LRRIQ1: variants seen among roughly 807,000 people sequenced by gnomAD.
The protein encoded by LRRIQ1 is leucine rich repeats and IQ motif containing 1, also known as leucine-rich repeat- and IQ domain-containing protein 1.
A neutral mutation model predicts 211.9 loss-of-function variants in LRRIQ1; 210 were observed. The observed-to-expected ratio is 0.99, with a 90% CI of 0.89 to 1.11. LRRIQ1 has a LOEUF of 1.11. Among genes scored for constraint, LRRIQ1 ranks in the 50% most tolerant of loss-of-function variants. The pLI is 0.00. For missense variants in LRRIQ1, 2,136 were observed against 1,939.5 expected, an observed-to-expected ratio of 1.10 and a Z score of -1.90; for synonymous variants, 699 against 650.1, an observed-to-expected ratio of 1.08 and a Z score of -1.14.
At chr12:85,236,830 C>CATATATATATATATCTATATCTAT (rs1555228690) in intron 26 of LRRIQ1, among the ~76,000 whole-genome samples, 1 of 108,810 alleles carries the variant, frequency 9.2e-6, no homozygotes, top group East Asian at 2.5e-4. Context: ...TGTATGTGTG[C>CATATATATATATATCTATATCTAT]ATATATATAT....
chr12:85,238,222 GAGAGAAAAA>G (rs1426158928), intron 26 of LRRIQ1, among the ~76,000 whole-genome samples: 4 of 151,866 alleles, frequency 2.6e-5, no homozygotes, highest in African/African-American at 9.7e-5. Context: ...GTGGGGCAGA[GAGAGAAAAA>G]ATAACTTAAA....
chr12:85,234,231 T>G lies in LRRIQ1; in HGVS notation c.5016+1475T>G, dbSNP rs1394490989. On this transcript the variant is annotated intron_variant, in intron 26 of 26. Transcript: ENST00000393217. ...CAGATTGGATGTCAGAGTGAGACTC[T>G]CTTTCAAAAAACAAAAAAGTTATAA... Among the ~76,000 whole-genome samples, 4 of 152,200 alleles carry G rather than the reference T, an allele frequency of 2.6e-5. No individual in the cohort carries two copies. The South Asian group carries it at 8.3e-4, about 32-fold the overall frequency.
At chr12:85,191,606 T>C (rs1892514817) in intron 24 of LRRIQ1, among the ~76,000 whole-genome samples, 1 of 152,048 alleles carries the variant, frequency 6.6e-6, no homozygotes, top group Non-Finnish European at 1.5e-5. Flanking sequence ...TTTTAACAGT[T>C]ATGAATAAAG....
At chr12:85,097,005 A>C (rs1384532030) in intron 11 of LRRIQ1, among the ~76,000 whole-genome samples, 1 of 152,168 alleles carries the variant, frequency 6.6e-6, no homozygotes, top group East Asian at 1.9e-4. Context: ...TTTCTCTTGC[A>C]TGATAGACGT....
intron 15 of LRRIQ1, among the ~76,000 whole-genome samples, chr12:85,107,232 T>G (rs1886848077): frequency 6.6e-6 from 1 of 152,174 alleles, no homozygotes; most frequent in South Asian, 2.1e-4. Flanking sequence ...ATTAGCTATT[T>G]TGTGATAACT....
chr12:85,120,334 A>G (rs1393773194), intron 15 of LRRIQ1, among the ~76,000 whole-genome samples: 4 of 152,180 alleles, frequency 2.6e-5, no homozygotes, highest in African/African-American at 9.7e-5. Context: ...GCCAAAGATC[A>G]GTTCGCTATA....
At position 85,229,735 on chromosome 12, in the gene LRRIQ1, A is replaced by G. The variant is rs12297485; in HGVS notation, c.4955+86A>G. On this transcript the variant is annotated intron_variant, in intron 25 of 26. Transcript: ENST00000393217. ...CTAGGTTAATTGTGCTAAAACAAACATGACTTTATTGCCAAAGGCCAATAC... is the reference window on the plus strand; with the variant it reads ...CTAGGTTAATTGTGCTAAAACAAACGTGACTTTATTGCCAAAGGCCAATAC... 94,385 of 1,396,236 alleles carry G rather than the reference A, an allele frequency of 0.068. 9,133 individuals are homozygous for G. Among genetic ancestry groups the G allele is most frequent in the African/African-American group, 0.46 (31,401 of 68,192 alleles). 86.5% of individuals were successfully genotyped at this position (1,396,236 alleles called of 1,614,324 possible). A position where few individuals can be genotyped will look rare whatever the true frequency, so the allele number is the denominator to read the frequency against.
intron 4 of LRRIQ1, among the ~76,000 whole-genome samples, chr12:85,045,784 A>T (rs1419585473): frequency 6.6e-6 from 1 of 152,012 alleles, no homozygotes; most frequent in African/African-American, 2.4e-5. Context: ...ATAATATTAA[A>T]GACTTATTAG....
chr12:85,063,806 T>G (rs1426230556), intron 8 of LRRIQ1, among the ~76,000 whole-genome samples: 1 of 151,784 alleles, frequency 6.6e-6, no homozygotes, highest in Non-Finnish European at 1.5e-5. Flanking sequence ...TGTCTATCTG[T>G]ACTGGTTTAT....
intron 11 of LRRIQ1, among the ~76,000 whole-genome samples, chr12:85,086,464 C>T (rs1326809933): frequency 6.6e-6 from 1 of 152,034 alleles, no homozygotes; most frequent in African/African-American, 2.4e-5. Context: ...ATGCCTGCTC[C>T]CCTTTTGCCT....
chr12:85,250,918 T>A (rs1400031617), intron 1 of LRRIQ1, among the ~76,000 whole-genome samples: 6,044 of 78,098 alleles, frequency 0.077, 1,459 homozygotes, highest in African/African-American at 0.49. Context: ...ATAATATATT[T>A]TATATATTAT....
chr12:85,120,694 T>A (rs1258574681), intron 15 of LRRIQ1, among the ~76,000 whole-genome samples: 1 of 152,198 alleles, frequency 6.6e-6, no homozygotes, highest in East Asian at 1.9e-4. Flanking sequence ...ATTTATTTAG[T>A]TCATCTTGGA....
chr12:85,123,656 A>G (rs1888146704), intron 16 of LRRIQ1, among the ~76,000 whole-genome samples: 1 of 152,168 alleles, frequency 6.6e-6, no homozygotes, highest in South Asian at 2.1e-4. Context: ...TCTTTGTTTA[A>G]AAGTCCAATA....
chr12:85,217,608 GTGTATATATATGTATATATGTATATA>G (rs1565909987), intron 24 of LRRIQ1, among the ~76,000 whole-genome samples: 12 of 131,676 alleles, frequency 9.1e-5, no homozygotes, highest in African/African-American at 2.8e-4. Flanking sequence ...ATATGTATAT[GTGTATATATATGTATATATGTATATA>G]TGTATATATA....
At chr12:85,202,085 A>G (rs1426441772) in intron 24 of LRRIQ1, among the ~76,000 whole-genome samples, 1 of 151,938 alleles carries the variant, frequency 6.6e-6, no homozygotes, top group African/African-American at 2.4e-5. Flanking sequence ...TAATTATGTA[A>G]TTTTGAGTGA....
At chr12:85,251,947 A>C (rs866171817) in intron 1 of LRRIQ1, among the ~76,000 whole-genome samples, 5 of 151,914 alleles carry the variant, frequency 3.3e-5, no homozygotes, top group African/African-American at 1.2e-4. Context: ...TTGAAACTCA[A>C]ACTTTTCTCT....
chr12:85,202,786 T>C (rs1469804015), intron 24 of LRRIQ1, among the ~76,000 whole-genome samples: 2 of 152,208 alleles, frequency 1.3e-5, no homozygotes, highest in Non-Finnish European at 2.9e-5. Context: ...ATTTCCATTC[T>C]AGGTTACTAT....
At chr12:85,196,967 C>T (rs1240243058) in intron 24 of LRRIQ1, among the ~76,000 whole-genome samples, 1 of 151,488 alleles carries the variant, frequency 6.6e-6, no homozygotes, top group Non-Finnish European at 1.5e-5. Flanking sequence ...CAATGAACTC[C>T]AACAAATTTA....
rs9634238 is a variant in LRRIQ1, at chr12:85,191,586, T to G, written c.4822+30872T>G. ...TCCACCTACTGAAGGACATCTTAGT[T>G]GTTCTGAAGTTTTAACAGTTATGAA... On this transcript the variant is annotated intron_variant, in intron 24 of 26. Coordinates refer to ENST00000393217, the MANE Select transcript of LRRIQ1 (RefSeq NM_001079910.2). Among the ~76,000 whole-genome samples, 5 of 152,168 alleles carry G rather than the reference T, an allele frequency of 3.3e-5. No homozygotes were observed. The East Asian group carries it at 9.6e-4, about 29-fold the overall frequency.
Sources: gnomAD v4.1 joint callset for allele counts (sites outside exome capture counted in the v4.1 genomes callset) on GRCh38, gnomAD v4.1.1 for gene constraint, MANE v1.5 for transcripts, NCBI Gene and HGNC (gene_info 2026-07-23, HGNC 2026-07-21) for gene names.